The following GNAQ variants were observed in gnomAD, a reference collection of about 807,000 sequenced individuals.
The protein encoded by GNAQ is guanine nucleotide-binding protein G(q) subunit alpha.
GNAQ carries 8 observed loss-of-function variants against 43.9 expected under a neutral mutation model. That is an observed-to-expected ratio of 0.18 (90% CI 0.11 to 0.33). The LOEUF is 0.33. GNAQ is among the 10% of genes least tolerant of loss of function. The pLI is 1.00. For missense variants in GNAQ, 158 were observed against 450.8 expected, an observed-to-expected ratio of 0.35 and a Z score of 5.88; for synonymous variants, 155 against 170.7, an observed-to-expected ratio of 0.91 and a Z score of 0.71.
chr9:77,998,178 C>A (rs904258736), intron 1 of GNAQ, among the ~76,000 whole-genome samples: 3 of 152,206 alleles, frequency 2.0e-5, no homozygotes, highest in African/African-American at 7.2e-5. Context: ...CTGTTGAAGT[C>A]CGCCTCAGGC....
intron 1 of GNAQ, among the ~76,000 whole-genome samples, chr9:78,023,471 A>C: frequency 6.6e-6 from 1 of 152,136 alleles, no homozygotes; most frequent in African/African-American, 2.4e-5. Flanking sequence ...TTCACATGAA[A>C]GGGATGGGTA....
chr9:78,020,681 C>G (rs1823897966), intron 1 of GNAQ, among the ~76,000 whole-genome samples: 1 of 152,160 alleles, frequency 6.6e-6, no homozygotes, highest in African/African-American at 2.4e-5. Context: ...GCTCTTCTCT[C>G]CTTCTCTCCA....
intron 2 of GNAQ, among the ~76,000 whole-genome samples, chr9:77,834,266 T>G (rs78898583): frequency 0.028 from 4,281 of 152,302 alleles, 162 homozygotes; most frequent in African/African-American, 0.09. Flanking sequence ...TTTGTTCTCT[T>G]GTAGTTTACA....
intron 3 of GNAQ, among the ~76,000 whole-genome samples, chr9:77,812,038 T>C (rs1022128600): frequency 6.6e-6 from 1 of 152,194 alleles, no homozygotes; most frequent in Non-Finnish European, 1.5e-5. Context: ...TTCACCATAA[T>C]TATTAATACA....
At chr9:77,915,837 T>A (rs1828893970) in intron 2 of GNAQ, among the ~76,000 whole-genome samples, 1 of 152,212 alleles carries the variant, frequency 6.6e-6, no homozygotes, top group African/African-American at 2.4e-5. Context: ...CTATGGAGAA[T>A]CCATGTGTCA....
At chr9:77,839,343 A>G (rs1564126695) in intron 2 of GNAQ, among the ~76,000 whole-genome samples, 1 of 152,236 alleles carries the variant, frequency 6.6e-6, no homozygotes, top group Non-Finnish European at 1.5e-5. Context: ...TAAGATAATT[A>G]AAGTAGGGTT....
chr9:77,778,092 C>T (rs983966091), intron 5 of GNAQ, among the ~76,000 whole-genome samples: 45 of 151,930 alleles, frequency 3.0e-4, no homozygotes, highest in Non-Finnish European at 8.8e-5. Context: ...CTCAAGTATC[C>T]ATCAATAAGT....
At chr9:77,726,903 GTAAT>G in intron 6 of GNAQ, among the ~76,000 whole-genome samples, 1 of 152,240 alleles carries the variant, frequency 6.6e-6, no homozygotes, top group Middle Eastern at 3.4e-3. Context: ...GGGCCACAGA[GTAAT>G]TGAGGCTTTG....
At chr9:77,753,537 TA>T (rs1825851044) in intron 5 of GNAQ, among the ~76,000 whole-genome samples, 1 of 152,244 alleles carries the variant, frequency 6.6e-6, no homozygotes, top group Non-Finnish European at 1.5e-5. Flanking sequence ...AGTGAACGAA[TA>T]ACCTTTCACA....
chr9:77,832,121 T>A (rs976495122), intron 2 of GNAQ, among the ~76,000 whole-genome samples: 3 of 152,052 alleles, frequency 2.0e-5, no homozygotes, highest in Admixed American at 6.6e-5. Context: ...ACACTTTTTT[T>A]AATGTTCTCC....
intron 1 of GNAQ, among the ~76,000 whole-genome samples, chr9:77,953,321 T>C (rs1823004232): frequency 6.6e-6 from 1 of 152,230 alleles, no homozygotes; most frequent in African/African-American, 2.4e-5. Flanking sequence ...TTAGTTCATG[T>C]CTCTCAACAA....
intron 1 of GNAQ, among the ~76,000 whole-genome samples, chr9:78,003,392 A>G (rs1236922027): frequency 6.6e-6 from 1 of 152,218 alleles, no homozygotes; most frequent in African/African-American, 2.4e-5. Context: ...TGTCTTCCAT[A>G]GTATTCTTCT....
intron 5 of GNAQ, among the ~76,000 whole-genome samples, chr9:77,740,727 CTGAT>C (rs1230480621): frequency 6.6e-6 from 1 of 152,020 alleles, no homozygotes; most frequent in East Asian, 1.9e-4. Flanking sequence ...TTTTTAGACT[CTGAT>C]ATGTATTTTT....
chr9:77,874,594 T>C (rs1160016598), intron 2 of GNAQ, among the ~76,000 whole-genome samples: 2 of 152,126 alleles, frequency 1.3e-5, no homozygotes, highest in African/African-American at 2.4e-5. Flanking sequence ...TCTACTTACA[T>C]TCAGGACAAC....
At chr9:77,910,934 G>A (rs1427181602) in intron 2 of GNAQ, among the ~76,000 whole-genome samples, 2 of 152,166 alleles carry the variant, frequency 1.3e-5, no homozygotes, top group Admixed American at 6.5e-5. Flanking sequence ...GTGTTCTTGT[G>A]TGTATACCAC....
At chr9:77,889,011 T>C (rs1429049432) in intron 2 of GNAQ, among the ~76,000 whole-genome samples, 4 of 152,172 alleles carry the variant, frequency 2.6e-5, no homozygotes, top group Non-Finnish European at 5.9e-5. Flanking sequence ...ATGCCCAGTT[T>C]CCTTTGAAGC....
intron 1 of GNAQ, among the ~76,000 whole-genome samples, chr9:77,970,687 G>A (rs1247818212): frequency 6.6e-6 from 1 of 151,980 alleles, no homozygotes; most frequent in Non-Finnish European, 1.5e-5. Context: ...GAGAAAGCAG[G>A]AAAGATCTAA....
intron 3 of GNAQ, among the ~76,000 whole-genome samples, chr9:77,813,181 G>A (rs1826955082): frequency 6.6e-6 from 1 of 152,160 alleles, no homozygotes; most frequent in Non-Finnish European, 1.5e-5. Context: ...GCCTCCCAAA[G>A]TGCTGGGATT....
Position 77,951,086 on chromosome 9 carries a change from A to G in GNAQ, c.137-28741T>C, listed in dbSNP as rs55913937. Among the ~76,000 whole-genome samples, 765 of 129,778 alleles carry G rather than the reference A, an allele frequency of 5.9e-3. 4 individuals are homozygous for G. Among genetic ancestry groups the G allele is most frequent in the South Asian group, 0.018 (67 of 3,724 alleles). 85.1% of individuals were successfully genotyped at this position (129,778 alleles called of 152,430 possible). ...AAAATATGAATACTGAACGCAGTCAAGTGTTCTTTTTTTTTTTTTTTTTTT... is the reference window on the plus strand; with the variant it reads ...AAAATATGAATACTGAACGCAGTCAGGTGTTCTTTTTTTTTTTTTTTTTTT... On this transcript the variant is annotated intron_variant, in intron 1 of 6. Coordinates refer to ENST00000286548, the MANE Select transcript of GNAQ (RefSeq NM_002072.5).
Sources: gnomAD v4.1 joint callset for allele counts (sites outside exome capture counted in the v4.1 genomes callset) on GRCh38, gnomAD v4.1.1 for gene constraint, MANE v1.5 for transcripts, NCBI Gene and HGNC (gene_info 2026-07-23, HGNC 2026-07-21) for gene names.